The following C1orf141 variants were observed in gnomAD, a reference collection of about 807,000 sequenced individuals.
The protein encoded by C1orf141 is chromosome 1 open reading frame 141.
Under a neutral mutation model 23.2 loss-of-function variants are expected in C1orf141, and 19 were observed. That is an observed-to-expected ratio of 0.82 (90% CI 0.57 to 1.20). The LOEUF (loss-of-function observed/expected upper bound fraction) is 1.20, where lower values mean the gene tolerates loss of function less well. Among genes scored for constraint, C1orf141 ranks in the 50% most tolerant of loss-of-function variants. The pLI is 0.00. For synonymous variants in C1orf141, 153 were observed against 154.6 expected (o/e 0.99, Z 0.08); for missense variants, 469 against 455.1 (o/e 1.03, Z -0.28).
Position 67,120,987 on chromosome 1 carries a change from A to G in C1orf141, c.233+4765T>C, listed in dbSNP as rs1646288034. Among the ~76,000 whole-genome samples the G allele has an allele frequency of 2.6e-5, 4 of 152,170 alleles. No homozygotes were observed. In the South Asian group the frequency reaches 8.3e-4, roughly 32 times the overall value. On this transcript the variant is annotated intron_variant, in intron 4 of 7. Transcript: ENST00000684719. ...TGTAGCTGCTCTCCTTGGTTGGAGA[A>G]TGTGTTCCTCTGAGGATCTCTCATA...
chr1:67,139,535 A>G (rs999399316), upstream of C1orf141, among the ~76,000 whole-genome samples: 8 of 152,252 alleles, frequency 5.3e-5, no homozygotes, highest in African/African-American at 1.9e-4. Context: ...TTTCCCCATA[A>G]GTCTTTTTCT....
chr1:67,114,915 A>G (rs919449787), intron 5 of C1orf141, among the ~76,000 whole-genome samples: 1 of 152,172 alleles, frequency 6.6e-6, no homozygotes, highest in African/African-American at 2.4e-5. Context: ...ACCTCAGGGG[A>G]TCCACCCGCC....
At chr1:67,112,536 T>TA (rs1260252346) in intron 5 of C1orf141, among the ~76,000 whole-genome samples, 3 of 150,706 alleles carry the variant, frequency 2.0e-5, no homozygotes, top group Non-Finnish European at 3.0e-5. Context: ...ACCCTGTCTC[T>TA]AAAAAAAAAG....
intron 5 of C1orf141, among the ~76,000 whole-genome samples, chr1:67,106,624 C>G (rs532006059): frequency 6.6e-6 from 1 of 152,286 alleles, no homozygotes; most frequent in East Asian, 1.9e-4. Flanking sequence ...CGCCACTGCA[C>G]TCCAGCCTGG....
intron 5 of C1orf141, among the ~76,000 whole-genome samples, chr1:67,100,195 G>T (rs577971646): frequency 6.6e-6 from 1 of 151,988 alleles, no homozygotes; most frequent in Non-Finnish European, 1.5e-5. Flanking sequence ...TATTTGATTT[G>T]TTCTGTTCTT....
chr1:67,127,592 T>A (rs1032017319), intron 2 of C1orf141, among the ~76,000 whole-genome samples: 2 of 152,132 alleles, frequency 1.3e-5, no homozygotes, highest in African/African-American at 2.4e-5. Flanking sequence ...TCTTTTTAAA[T>A]TTTTTTAATT....
At chr1:67,126,542 T>C (rs532348066) in intron 3 of C1orf141, among the ~76,000 whole-genome samples, 3 of 152,326 alleles carry the variant, frequency 2.0e-5, no homozygotes, top group South Asian at 2.1e-4. Flanking sequence ...TGCCAATAGA[T>C]GGAGCACTAT....
chr1:67,096,448 A>G, intron 5 of C1orf141, 127 bp from the exon 6 acceptor site: 1 of 560,872 alleles, frequency 1.8e-6, no homozygotes, highest in Non-Finnish European at 3.2e-6. Context: ...CCTGGTCTGT[A>G]GTAGCTACCC....
At chr1:67,114,717 C>T (rs1032623073) in intron 5 of C1orf141, among the ~76,000 whole-genome samples, 1 of 152,210 alleles carries the variant, frequency 6.6e-6, no homozygotes, top group South Asian at 2.1e-4. Flanking sequence ...GCTCTTGTCA[C>T]CCAGGCTGGA....
chr1:67,096,617 A>T (rs1645687232), intron 5 of C1orf141, among the ~76,000 whole-genome samples: 1 of 152,236 alleles, frequency 6.6e-6, no homozygotes, highest in South Asian at 2.1e-4. Context: ...ATGTGGAGCC[A>T]TTATTAACCA....
rs561830411 is a variant in C1orf141, at chr1:67,114,875, C to T, written c.346+477G>A. ...ACGTTTAATAGAGACGGGGTTTCGC[C>T]ATGTTGGCCAGGCTGGTCTCGAACT... is the stretch of plus-strand genomic sequence containing the variant. On this transcript the variant is annotated intron_variant, in intron 5 of 7. Coordinates refer to ENST00000684719, the MANE Select transcript of C1orf141 (RefSeq NM_001276351.2). Among the ~76,000 whole-genome samples the T allele has an allele frequency of 2.4e-4, 36 of 152,274 alleles. No individual in the cohort carries two copies. In the Middle Eastern group the frequency reaches 0.01, roughly 43 times the overall value.
upstream of C1orf141, among the ~76,000 whole-genome samples, chr1:67,135,906 CA>C (rs59519661): frequency 1.4e-3 from 89 of 62,586 alleles, no homozygotes; most frequent in Admixed American, 2.1e-3. Context: ...GGCAAAACTG[CA>C]AAAAAAAAAA....
chr1:67,095,518 T>G, intron 6 of C1orf141, 97 bp from the exon 7 acceptor site: 1 of 658,672 alleles, frequency 1.5e-6, no homozygotes, highest in South Asian at 2.3e-5. Context: ...CACTGCCAAC[T>G]TCTGCACCAA....
At position 67,101,807 on chromosome 1, in the gene C1orf141, T is replaced by C. The variant is rs191403124; in HGVS notation, c.347-5486A>G. ...TTTGATAAAAAGGATAAAATGCTTC[T>C]TCAGAGAGGCTTAAGAACTTTTCTA... On this transcript the variant is annotated intron_variant, in intron 5 of 7. Coordinates refer to ENST00000684719, the MANE Select transcript of C1orf141 (RefSeq NM_001276351.2). 4.6e-5 allele frequency among the ~76,000 whole-genome samples: 7 copies of C among 152,288 alleles called. No homozygotes were observed. The East Asian group carries it at 9.7e-4, about 21-fold the overall frequency.
intron 5 of C1orf141, among the ~76,000 whole-genome samples, chr1:67,106,223 G>A (rs1428291003): frequency 6.6e-6 from 1 of 152,104 alleles, no homozygotes; most frequent in Non-Finnish European, 1.5e-5. Context: ...CAATGCCCAA[G>A]ATCAATCCAA....
chr1:67,134,725 C>T (rs1440515981), intron 1 of C1orf141, among the ~76,000 whole-genome samples: 2 of 152,168 alleles, frequency 1.3e-5, no homozygotes, highest in Admixed American at 6.5e-5. Flanking sequence ...CTGGAAGAGC[C>T]CCCCGGGCTC....
chr1:67,140,285 T>G (rs1231818631), intron 1 of C1orf141, among the ~76,000 whole-genome samples: 1 of 152,162 alleles, frequency 6.6e-6, no homozygotes, highest in African/African-American at 2.4e-5. Context: ...AATTTCTGTA[T>G]GTCAAAAAAA....
chr1:67,123,849 T>C (rs1023364745), intron 4 of C1orf141: 11 of 152,178 alleles, frequency 7.2e-5, no homozygotes, highest in African/African-American at 2.7e-4. Flanking sequence ...CCTATGGGCA[T>C]CTAAAACTTA....
intron 2 of C1orf141, among the ~76,000 whole-genome samples, chr1:67,128,340 A>C (rs1399088214): frequency 6.6e-6 from 1 of 151,674 alleles, no homozygotes; most frequent in East Asian, 1.9e-4. Flanking sequence ...CAGGAATATC[A>C]ACCCAAAGCT....
Sources: gnomAD v4.1 joint callset for allele counts (sites outside exome capture counted in the v4.1 genomes callset) on GRCh38, gnomAD v4.1.1 for gene constraint, MANE v1.5 for transcripts, NCBI Gene and HGNC (gene_info 2026-07-23, HGNC 2026-07-21) for gene names.